VGF: variants seen among roughly 807,000 people sequenced by gnomAD.
VGF encodes VGF nerve growth factor inducible.
A neutral mutation model predicts 41.1 loss-of-function variants in VGF; 13 were observed. The ratio of observed to expected loss-of-function variants is 0.32; its 90% CI spans 0.21 to 0.50. VGF has a LOEUF of 0.50. Ranked by LOEUF, VGF falls within the 20% of genes least tolerant of loss-of-function variation. The probability of loss-of-function intolerance (pLI) is 0.98; values close to 1 mark genes in which losing one functional copy is unlikely to be tolerated. For missense variants in VGF, 920 were observed against 882.1 expected (o/e 1.04, Z -0.54); for synonymous variants, 473 against 418.3 (o/e 1.13, Z -1.60).
chr7:101,165,019 G>A, intron 1 of VGF, 156 bp from the exon 2 acceptor site: 1 of 1,346,022 alleles, frequency 7.4e-7, no homozygotes, highest in Non-Finnish European at 9.5e-7. Flanking sequence ...AAAGGAGGAA[G>A]ATGTTGTGCC....
In VGF at chr7:101,163,921, CG is replaced by C; in HGVS notation, c.922del (p.Arg308GlyfsTer366). On this transcript the variant is annotated frameshift_variant, in exon 2 of 2. Transcript: ENST00000249330. LOFTEE classifies it high-confidence loss of function. This position sits in a 1 kb window ranked among gnomAD's most constrained non-coding sequence, Gnocchi z 5.0. ...QQGLAQVEAGRRQAEATRQAA... is the reference protein window; with the variant it reads ...QQGLAQVEAGXRQAEATRQAA... Reference sequence around the variant, plus strand: ...CTGCCGCGTGGCCTCCGCCTGCCGCCGCCCGGCCTCCACCTGCGCCAGCCCT... The same window carrying C: ...CTGCCGCGTGGCCTCCGCCTGCCGCCCCCGGCCTCCACCTGCGCCAGCCCT... The C allele has an allele frequency of 6.9e-7, 1 of 1,459,832 alleles. No homozygotes were observed. Among genetic ancestry groups the C allele is most frequent in the Admixed American group, 2.7e-5 (1 of 37,632 alleles). 90.4% of individuals were successfully genotyped at this position (1,459,832 alleles called of 1,614,324 possible).
At chr7:101,165,643 A>T (rs902401375), upstream of VGF, 4 of 985,142 alleles carry the variant, frequency 4.1e-6, no homozygotes, top group Admixed American at 1.2e-4. Flanking sequence ...CGCCCCATTG[A>T]CGTCAATGTT....
chr7:101,166,515 T>TGG (rs61657049), upstream of VGF, among the ~76,000 whole-genome samples: 16,939 of 131,780 alleles, frequency 0.13, 1,147 homozygotes, highest in Non-Finnish European at 0.16. Context: ...GTTGCGCAGG[T>TGG]GGGGGGGGGG....
chr7:101,163,294 C>A lies in VGF; in HGVS notation c.1550G>T (p.Arg517Leu), dbSNP rs201997904. 1.6e-4 allele frequency: 180 copies of A among 1,134,886 alleles called. No homozygotes were observed. Among genetic ancestry groups the A allele is most frequent in the Non-Finnish European group, 1.9e-4 (168 of 899,502 alleles). The allele number at this position is 1,134,886 out of a possible 1,614,324, so 70.3% of individuals were successfully genotyped here. ...CTCGTTCCAGTCCGGCAGCTCGTCT[C>A]GTGCGGGAGCGGGGGCGGGGGGCGG... is the stretch of plus-strand genomic sequence containing the variant. Reference protein sequence around the residue: ...QPPPPAPAPARDELPDWNEVL... With the variant: ...QPPPPAPAPALDELPDWNEVL... The change falls in exon 2 of 2, where the codon CGA becomes CTA. Residue 517 changes from arginine (R) to leucine (L), a missense_variant. By Grantham distance (102) the Arg-to-Leu change is moderately radical (BLOSUM62 -2). Around this residue, in one of 3 missense-constraint regions of VGF, gnomAD observed 257 missense variants for 217.2 expected, o/e 1.18. Transcript: ENST00000249330. This position sits in a 1 kb window ranked among gnomAD's most constrained non-coding sequence, Gnocchi z 5.0.
chr7:101,169,681 C>G (rs113154222), upstream of VGF, among the ~76,000 whole-genome samples: 4 of 152,296 alleles, frequency 2.6e-5, no homozygotes, highest in African/African-American at 9.6e-5. Context: ...GCTGTGCACA[C>G]TCGACAATAC....
rs1222066017 is a variant in VGF at position 101,163,760 on chromosome 7, T to A, written c.1084A>T (p.Arg362Trp). ...QEAAEERESA[R>W]EEEEAEQERR... The stretch of plus-strand genomic sequence containing the variant: ...TCCTGCTCCGCCTCCTCCTCCTCCC[T>A]TGCACTCTCTCGCTCCTCCGCCGCC... Residue 362 changes from arginine (R) to tryptophan (W), a missense_variant, in exon 2 of 2, where the codon AGG (arginine) becomes TGG (tryptophan). Around this residue, in one of 3 missense-constraint regions of VGF, gnomAD observed 654 missense variants for 638.4 expected, o/e 1.02. Coordinates refer to ENST00000249330, the MANE Select transcript of VGF (RefSeq NM_003378.4). The surrounding 1 kb of genome is among the most constrained non-coding windows in gnomAD (Gnocchi z 5.0). 6.5e-7 allele frequency: 1 copy of A among 1,530,760 alleles called. No homozygotes were observed. The highest frequency in any genetic ancestry group is 2.0e-5 in the Admixed American group (1 of 51,012). 94.8% of individuals were successfully genotyped at this position (1,530,760 alleles called of 1,614,324 possible). A position where few individuals can be genotyped will look rare whatever the true frequency, so the allele number is the denominator to read the frequency against.
Position 101,163,985 on chromosome 7 carries a change from G to C in VGF, c.859C>G (p.Leu287Val). ...CGCTCGCCCGCCTCGGAGCCGCCCAGGAGTGCGCTCTCCGGCCGGCGCGCC... is the reference window on the plus strand; with the variant it reads ...CGCTCGCCCGCCTCGGAGCCGCCCACGAGTGCGCTCTCCGGCCGGCGCGCC... ...PKARRPESAL[L>V]GGSEAGERLL... The change falls in exon 2 of 2, where the codon CTG becomes GTG. Residue 287 changes from leucine (L) to valine (V), a missense_variant. Transcript: ENST00000249330. This position sits in a 1 kb window ranked among gnomAD's most constrained non-coding sequence, Gnocchi z 5.0. The C allele has an allele frequency of 6.8e-7, 1 of 1,475,630 alleles. No individual in the cohort carries two copies. Among genetic ancestry groups the C allele is most frequent in the African/African-American group, 1.4e-5 (1 of 69,114 alleles). The allele number at this position is 1,475,630 out of a possible 1,614,324, so 91.4% of individuals were successfully genotyped here.
chr7:101,169,689 T>C (rs1185631703), upstream of VGF, among the ~76,000 whole-genome samples: 1 of 151,838 alleles, frequency 6.6e-6, no homozygotes, highest in African/African-American at 2.4e-5. Flanking sequence ...CACTCGACAA[T>C]ACACACAAGT....
chr7:101,163,007 G>A lies in VGF; in HGVS notation c.1837C>T (p.Arg613Trp). 2.7e-6 allele frequency: 4 copies of A among 1,466,124 alleles called. No individual in the cohort carries two copies. The highest frequency in any genetic ancestry group is 3.6e-6 in the Non-Finnish European group (4 of 1,108,750). The allele number at this position is 1,466,124 out of a possible 1,614,324, so 90.8% of individuals were successfully genotyped here. A position where few individuals can be genotyped will look rare whatever the true frequency, so the allele number is the denominator to read the frequency against. Residue 613 changes from arginine (R) to tryptophan (W), a missense_variant, in exon 2 of 2, where the codon CGG (arginine) becomes TGG (tryptophan). Physicochemically the swap from Arg to Trp is moderately radical, Grantham distance 101. Around this residue, in one of 3 missense-constraint regions of VGF, gnomAD observed 257 missense variants for 217.2 expected, o/e 1.18. Coordinates refer to ENST00000249330, the MANE Select transcript of VGF (RefSeq NM_003378.4). The surrounding 1 kb of genome is among the most constrained non-coding windows in gnomAD (Gnocchi z 5.0). ...ACCGGGAAGGGCAGTCACGGGCGCC[G>A]GAGCAGCACGTGCTCGATGTAATTC... Reference protein sequence around the residue: ...LENYIEHVLLRRP With the variant: ...LENYIEHVLLWRP
chr7:101,163,767 C>T lies in VGF; in HGVS notation c.1077G>A (p.Glu359=), dbSNP rs778362731. The part of the protein sequence containing the change: ...RGLQEAAEER[E]SAREEEEAEQ... The stretch of plus-strand genomic sequence containing the variant: ...CCGCCTCCTCCTCCTCCCTTGCACT[C>T]TCTCGCTCCTCCGCCGCCTCCTGCA... Residue 359 remains glutamate, a synonymous_variant, in exon 2 of 2, where the codon GAG becomes GAA. Coordinates refer to ENST00000249330, the MANE Select transcript of VGF (RefSeq NM_003378.4). The surrounding 1 kb of genome is among the most constrained non-coding windows in gnomAD (Gnocchi z 5.0). The T allele has an allele frequency of 1.5e-5, 23 of 1,530,682 alleles. No individual in the cohort carries two copies. The South Asian group carries it at 2.0e-4, about 13-fold the overall frequency. The allele number at this position is 1,530,682 out of a possible 1,614,324, so 94.8% of individuals were successfully genotyped here. A position where few individuals can be genotyped will look rare whatever the true frequency, so the allele number is the denominator to read the frequency against.
intron 1 of VGF, 26 bp from the exon 2 acceptor site, chr7:101,164,889 A>AG: frequency 1.3e-5 from 19 of 1,508,122 alleles, no homozygotes; most frequent in Non-Finnish European, 1.6e-5. Context: ...GACCAAAAAA[A>AG]GAGGATTTCT....
Position 101,163,068 on chromosome 7 carries a change from C to T in VGF, c.1776G>A (p.Ala592=), listed in dbSNP as rs1204056627. ...QARRAQEEAE[A]EERRLQEQEE... is the part of the protein sequence containing the mutation. Reference sequence around the variant, plus strand: ...CCTGCTCCTGCAGCCGGCGCTCCTCCGCCTCCGCCTCCTCCTGCGCGCGCC... The same window carrying T: ...CCTGCTCCTGCAGCCGGCGCTCCTCTGCCTCCGCCTCCTCCTGCGCGCGCC... Residue 592 remains alanine (A), a synonymous_variant, in exon 2 of 2, where the codon GCG becomes GCA. Coordinates refer to ENST00000249330, the MANE Select transcript of VGF (RefSeq NM_003378.4). The surrounding 1 kb of genome is among the most constrained non-coding windows in gnomAD (Gnocchi z 5.0). The T allele has an allele frequency of 6.4e-7, 1 of 1,572,958 alleles. No individual in the cohort carries two copies. Among genetic ancestry groups the T allele is most frequent in the East Asian group, 2.5e-5 (1 of 40,188 alleles).
At chr7:101,167,057 ACT>A (rs1381515419), upstream of VGF, among the ~76,000 whole-genome samples, 2 of 151,474 alleles carry the variant, frequency 1.3e-5, no homozygotes, top group Non-Finnish European at 2.9e-5. The surrounding 1 kb of genome is among the most constrained non-coding windows in gnomAD (Gnocchi z 4.2). Flanking sequence ...GGTCTTAGAG[ACT>A]CTTTCAGAAA....
Position 101,163,088 on chromosome 7 carries a change from C to T in VGF, c.1756G>A (p.Ala586Thr). 2 of 1,578,544 alleles carry T rather than the reference C, an allele frequency of 1.3e-6. No individual in the cohort carries two copies. The highest frequency in any genetic ancestry group is 2.3e-5 in the South Asian group (2 of 87,446). The change falls in exon 2 of 2, where the codon GCG becomes ACG. Residue 586 changes from alanine to threonine, a missense_variant. Transcript: ENST00000249330. This position sits in a 1 kb window ranked among gnomAD's most constrained non-coding sequence, Gnocchi z 5.0. ...TCCTCCGCCTCCGCCTCCTCCTGCG[C>T]GCGCCGCGCCTGGGCCTCCCGGCCG... ...YPGREAQARR[A>T]QEEAEAEERR...
rs1797160786 is a variant in VGF, at chr7:101,163,724, C to T, written c.1120G>A (p.Gly374Arg). The stretch of plus-strand genomic sequence containing the variant: ...TCCTCTTCCCCCACCCTCTCCTCCC[C>T]GCCGCGTCTCTCCTGCTCCGCCTCC... ...EEEAEQERRG[G>R]EERVGEEDEE... The change falls in exon 2 of 2, where the codon GGG (glycine) becomes AGG (arginine). Residue 374 changes from glycine to arginine, a missense_variant. Around this residue, in one of 3 missense-constraint regions of VGF, gnomAD observed 654 missense variants for 638.4 expected, o/e 1.02. Coordinates refer to ENST00000249330, the MANE Select transcript of VGF (RefSeq NM_003378.4). The surrounding 1 kb of genome is among the most constrained non-coding windows in gnomAD (Gnocchi z 5.0). 2.0e-6 allele frequency: 3 copies of T among 1,535,572 alleles called. No individual in the cohort carries two copies. The highest frequency in any genetic ancestry group is 1.2e-5 in the South Asian group (1 of 83,996).
rs1357480304 is a variant in VGF at position 101,163,050 on chromosome 7, C to T, written c.1794G>A (p.Gln598=). The part of the protein sequence containing the change: ...EEAEAEERRL[Q]EQEELENYIE... ...TGTAATTCTCCAGCTCCTCCTGCTC[C>T]TGCAGCCGGCGCTCCTCCGCCTCCG... The change falls in exon 2 of 2, where the codon CAG becomes CAA. Residue 598 remains glutamine, a synonymous_variant. Coordinates refer to ENST00000249330, the MANE Select transcript of VGF (RefSeq NM_003378.4). This position sits in a 1 kb window ranked among gnomAD's most constrained non-coding sequence, Gnocchi z 5.0. 6.4e-6 allele frequency: 10 copies of T among 1,571,592 alleles called. No homozygotes were observed. The highest frequency in any genetic ancestry group is 1.2e-5 in the South Asian group (1 of 86,574).
chr7:101,164,751 CT>C lies in VGF; in HGVS notation c.92del (p.Gln31ArgfsTer13). On this transcript the variant is annotated frameshift_variant, in exon 2 of 2. Coordinates refer to ENST00000249330, the MANE Select transcript of VGF (RefSeq NM_003378.4). LOFTEE classifies it high-confidence loss of function. ...TATGCTCAGAGCTGAGAGGAGGAGGCTGCGCCTCAGGGCGACCAGGGGGTGC... is the reference window on the plus strand; with the variant it reads ...TATGCTCAGAGCTGAGAGGAGGAGGCGCGCCTCAGGGCGACCAGGGGGTGC... ...GAAPPGRPEAQPPPLSSEHKE... is the reference protein window; with the variant it reads ...GAAPPGRPEAXPPPLSSEHKE... The C allele has an allele frequency of 6.2e-7, 1 of 1,611,114 alleles. No homozygotes were observed. The highest frequency in any genetic ancestry group is 8.5e-7 in the Non-Finnish European group (1 of 1,178,414).
chr7:101,168,375 A>G (rs1797254921), upstream of VGF, among the ~76,000 whole-genome samples: 1 of 152,050 alleles, frequency 6.6e-6, no homozygotes, highest in African/African-American at 2.4e-5. Context: ...GCCTCTCTCC[A>G]TCCCAGTTCC....
rs775685394 is a variant in VGF at position 101,163,526 on chromosome 7, C to T, written c.1318G>A (p.Glu440Lys). ...TCCATCTCCTCGTCGTCCTCCTCCT[C>T]CCCGCCCTCCTCTGTCCCCTCGGCC... ...KEAEGTEEGG[E>K]EEDDEEMDPQ... Residue 440 changes from glutamate (E) to lysine (K), a missense_variant, in exon 2 of 2, where the codon GAG becomes AAG. Physicochemically the swap from Glu to Lys is moderately conservative, Grantham distance 56 (BLOSUM62 1). Coordinates refer to ENST00000249330, the MANE Select transcript of VGF (RefSeq NM_003378.4). This position sits in a 1 kb window ranked among gnomAD's most constrained non-coding sequence, Gnocchi z 5.0. 6.2e-7 allele frequency: 1 copy of T among 1,608,686 alleles called. No individual in the cohort carries two copies. Among genetic ancestry groups the T allele is most frequent in the Non-Finnish European group, 8.5e-7 (1 of 1,177,856 alleles).
Sources: allele counts gnomAD v4.1 joint callset (sites outside exome capture counted in the v4.1 genomes callset), GRCh38; gene constraint gnomAD v4.1.1; regional missense constraint gnomAD v4.1.1; non-coding constraint Gnocchi (gnomAD v3.1); transcripts MANE v1.5; gene names NCBI Gene and HGNC (gene_info 2026-07-23, HGNC 2026-07-21).